EFCAB14: variants seen among roughly 807,000 people sequenced by gnomAD.
The protein encoded by EFCAB14 is EF-hand calcium-binding domain-containing protein 14.
A neutral mutation model predicts 56.5 loss-of-function variants in EFCAB14; 43 were observed. The ratio of observed to expected loss-of-function variants is 0.76; its 90% CI spans 0.60 to 0.98. EFCAB14 has a LOEUF of 0.98. EFCAB14 is among the 50% of genes least tolerant of loss of function. EFCAB14 has a pLI of 0.00. For missense variants in EFCAB14, 538 were observed against 580.3 expected, an observed-to-expected ratio of 0.93 and a Z score of 0.75; for synonymous variants, 235 against 212.9, an observed-to-expected ratio of 1.10 and a Z score of -0.90.
chr1:46,714,692 T>A, intron 2 of EFCAB14, among the ~76,000 whole-genome samples: 1 of 149,596 alleles, frequency 6.7e-6, no homozygotes, highest in East Asian at 2.0e-4. Flanking sequence ...GGATTGGGGG[T>A]GTGGGGTGCT....
chr1:46,713,662 A>G (rs1247713679), intron 2 of EFCAB14, among the ~76,000 whole-genome samples: 1 of 152,198 alleles, frequency 6.6e-6, no homozygotes. Flanking sequence ...ATGTTTTGAA[A>G]TATATAAATA....
intron 3 of EFCAB14, among the ~76,000 whole-genome samples, chr1:46,700,304 T>C (rs146761126): frequency 6.6e-6 from 1 of 152,336 alleles, no homozygotes; most frequent in Non-Finnish European, 1.5e-5. Flanking sequence ...GTGACAGTTC[T>C]TTAATAGTGA....
chr1:46,692,625 C>A (rs1248500924), intron 4 of EFCAB14, among the ~76,000 whole-genome samples: 1 of 152,154 alleles, frequency 6.6e-6, no homozygotes, highest in Non-Finnish European at 1.5e-5. Flanking sequence ...CCTCACCAAT[C>A]CTGTACCAAT....
At chr1:46,681,056 A>C (rs1177584278) in intron 10 of EFCAB14, among the ~76,000 whole-genome samples, 3 of 151,710 alleles carry the variant, frequency 2.0e-5, no homozygotes, top group Non-Finnish European at 4.4e-5. Context: ...CTGTAGCCTC[A>C]AACTTTTAGG....
At chr1:46,682,413 C>G (rs1233996357) in intron 10 of EFCAB14, 1 of 152,218 alleles carries the variant, frequency 6.6e-6, no homozygotes, top group Non-Finnish European at 1.5e-5. Context: ...AGAACATGCA[C>G]TGCTGGAAGC....
chr1:46,684,411 G>T, intron 9 of EFCAB14, 80 bp downstream of exon 9: 3 of 1,160,104 alleles, frequency 2.6e-6, no homozygotes, highest in African/African-American at 1.5e-5. Context: ...AGTACTGCTG[G>T]AACACCTTCC....
At chr1:46,699,085 C>T (rs1381151745) in intron 3 of EFCAB14, among the ~76,000 whole-genome samples, 1 of 152,072 alleles carries the variant, frequency 6.6e-6, no homozygotes, top group Non-Finnish European at 1.5e-5. Flanking sequence ...GGTCTCTCAC[C>T]TCAAGGAGCT....
At chr1:46,715,113 A>G (rs1677367406) in intron 2 of EFCAB14, among the ~76,000 whole-genome samples, 1 of 152,202 alleles carries the variant, frequency 6.6e-6, no homozygotes, top group Non-Finnish European at 1.5e-5. Context: ...AGCTAAGGAG[A>G]GAAATCTATC....
At chr1:46,697,041 G>A (rs747004231) in intron 3 of EFCAB14, among the ~76,000 whole-genome samples, 3 of 152,192 alleles carry the variant, frequency 2.0e-5, no homozygotes, top group Non-Finnish European at 4.4e-5. Context: ...TTGGTAAAAT[G>A]TAATACCTCA....
chr1:46,678,599 C>T lies in EFCAB14; in HGVS notation c.1350G>A (p.Val450=), dbSNP rs747543427. 3.1e-6 allele frequency: 5 copies of T among 1,613,966 alleles called. No individual in the cohort carries two copies. In the Admixed American group the frequency reaches 8.3e-5, roughly 27 times the overall value. ...TTTCCTGGTAGGTCAGCTTCCCATC[C>T]ACGTCCTGGCCAGTCTTGCGGAATA... ...QDLFRKTGQD[V]DGKLTYQEIW... The change falls in exon 11 of 11, where the codon GTG becomes GTA. Residue 450 remains valine, a synonymous_variant. Transcript: ENST00000371933.
chr1:46,716,160 A>T, intron 2 of EFCAB14, 135 bp downstream of exon 2: 1 of 957,738 alleles, frequency 1.0e-6, no homozygotes, highest in Non-Finnish European at 1.5e-6. Context: ...TGACCATGAG[A>T]ATCACTTGAA....
In EFCAB14 at chr1:46,678,231, G is replaced by A. The variant is rs114661493; in HGVS notation, c.*230C>T. The A allele has an allele frequency of 4.4e-4, 161 of 369,910 alleles. 1 individual carries two copies. The highest frequency in any genetic ancestry group is 3.3e-3 in the African/African-American group (155 of 47,460). The allele number at this position is 369,910 out of a possible 1,614,324, so 22.9% of individuals were successfully genotyped here. A position where few individuals can be genotyped will look rare whatever the true frequency, so the allele number is the denominator to read the frequency against. On this transcript the variant is annotated 3_prime_UTR_variant, in exon 11 of 11. Coordinates refer to ENST00000371933, the MANE Select transcript of EFCAB14 (RefSeq NM_014774.3). ...ATTTTTTTTCTGGCAATTTTAAAAT[G>A]TAAGATCTTACTGGTTGTAGGAAAT...
chr1:46,692,461 G>A (rs778013619), intron 4 of EFCAB14, among the ~76,000 whole-genome samples: 1 of 152,188 alleles, frequency 6.6e-6, no homozygotes, highest in Non-Finnish European at 1.5e-5. Context: ...TTTATCATAT[G>A]CTTTCTAATC....
At chr1:46,684,307 T>C (rs1037575483) in intron 9 of EFCAB14, 184 bp downstream of exon 9, 18 of 577,412 alleles carry the variant, frequency 3.1e-5, no homozygotes, top group Non-Finnish European at 4.9e-5. Context: ...TAGACTAGAG[T>C]ACAAATCATG....
rs1676826637 is a variant in EFCAB14, at chr1:46,683,340, T to C, written c.1272A>G (p.Gln424=). The part of the protein sequence containing the change: ...FLGDPVEKAA[Q]LRPISLPGVS... ...CTCCTGGTAGGGAGATAGGTCTTAG[T>C]TGGGCAGCTTTCTCAACTGGGTCTC... The change falls in exon 10 of 11, where the codon CAA becomes CAG. Residue 424 remains glutamine, a synonymous_variant. Transcript: ENST00000371933. 3 of 1,614,004 alleles carry C rather than the reference T, an allele frequency of 1.9e-6. No homozygotes were observed. The highest frequency in any genetic ancestry group is 1.3e-5 in the African/African-American group (1 of 74,930).
chr1:46,678,335 T>TA lies in EFCAB14; in HGVS notation c.*125dup. 2.1e-6 allele frequency: 2 copies of TA among 942,798 alleles called. No individual in the cohort carries two copies. Among genetic ancestry groups the TA allele is most frequent in the Non-Finnish European group, 3.1e-6 (2 of 644,326 alleles). The allele number at this position is 942,798 out of a possible 1,614,324, so 58.4% of individuals were successfully genotyped here. A position where few individuals can be genotyped will look rare whatever the true frequency, so the allele number is the denominator to read the frequency against. On this transcript the variant is annotated 3_prime_UTR_variant, in exon 11 of 11. Coordinates refer to ENST00000371933, the MANE Select transcript of EFCAB14 (RefSeq NM_014774.3). ...TTTTATATAGCTTCTTCAAACAAGT[T>TA]AAAAGGTGGCAAAGTATCTGCTACA...
At chr1:46,687,004 CAG>C in intron 7 of EFCAB14, 134 bp from the exon 8 acceptor site, 2 of 788,694 alleles carry the variant, frequency 2.5e-6, no homozygotes, top group East Asian at 2.7e-5. Context: ...ACAGAAATTG[CAG>C]AGGAGTGGGA....
chr1:46,688,227 G>A, intron 7 of EFCAB14, 126 bp downstream of exon 7: 1 of 875,750 alleles, frequency 1.1e-6, no homozygotes, highest in Non-Finnish European at 1.8e-6. Context: ...ACATTGTGAG[G>A]ATTAAGCACA....
In EFCAB14 at chr1:46,689,169, G is replaced by A. The variant is rs187390620; in HGVS notation, c.795+418C>T. Among the ~76,000 whole-genome samples, 10 of 152,092 alleles carry A rather than the reference G, an allele frequency of 6.6e-5. No homozygotes were observed. In the East Asian group the frequency reaches 1.9e-3, roughly 29 times the overall value. On this transcript the variant is annotated intron_variant, in intron 6 of 10. Coordinates refer to ENST00000371933, the MANE Select transcript of EFCAB14 (RefSeq NM_014774.3). Reference sequence around the variant, plus strand: ...TCCCCCTCTTGCCTTTTCGTCTTTAGACTTTAGAAAATCCTGATTTTCAAG... The same window carrying A: ...TCCCCCTCTTGCCTTTTCGTCTTTAAACTTTAGAAAATCCTGATTTTCAAG...
Sources: allele counts gnomAD v4.1 joint callset (sites outside exome capture counted in the v4.1 genomes callset), GRCh38; gene constraint gnomAD v4.1.1; transcripts MANE v1.5; gene names NCBI Gene and HGNC (gene_info 2026-07-23, HGNC 2026-07-21).